ANGPTL5: variants seen among roughly 807,000 people sequenced by gnomAD.
ANGPTL5 encodes angiopoietin-related protein 5.
In ANGPTL5, 34 loss-of-function variants were observed where a neutral mutation model predicts 39.4. The observed-to-expected ratio is 0.86, with a 90% CI of 0.66 to 1.15. The LOEUF (loss-of-function observed/expected upper bound fraction) is 1.15, where lower values mean the gene tolerates loss of function less well. Ranked by LOEUF, ANGPTL5 falls within the 50% of genes most tolerant of loss-of-function variation. The pLI is 0.00. For missense variants in ANGPTL5, 467 were observed against 457.5 expected (o/e 1.02, Z -0.19); for synonymous variants, 146 against 152.1 (o/e 0.96, Z 0.29).
chr11:101,899,166 G>T (rs1591253786), intron 7 of ANGPTL5, among the ~76,000 whole-genome samples: 1 of 152,236 alleles, frequency 6.6e-6, no homozygotes, highest in East Asian at 1.9e-4. Context: ...CATAAAAAGA[G>T]TTACGGAGGA....
chr11:101,903,067 G>A (rs896595058), intron 5 of ANGPTL5, among the ~76,000 whole-genome samples: 3 of 152,044 alleles, frequency 2.0e-5, no homozygotes, highest in Non-Finnish European at 2.9e-5. Flanking sequence ...TTATCTTAGA[G>A]AATGTAATGT....
In ANGPTL5 at chr11:101,908,780, C is replaced by CAAAAAAAAAAAA. The variant is rs59041644; in HGVS notation, c.-92-791_-92-780dup. On this transcript the variant is annotated intron_variant, in intron 1 of 8. Transcript: ENST00000334289. ...TGGGCGAAAGAGTGAGACTCCATCT[C>CAAAAAAAAAAAA]AAAAAAAAAAAAAAAAAAAATTGCA... is the stretch of plus-strand genomic sequence containing the variant. 4.6e-5 allele frequency among the ~76,000 whole-genome samples: 3 copies of CAAAAAAAAAAAA among 64,984 alleles called. No homozygotes were observed. In the South Asian group the frequency reaches 1.7e-3, roughly 37 times the overall value. 42.6% of individuals were successfully genotyped at this position (64,984 alleles called of 152,430 possible).
At chr11:101,915,412 T>G (rs1456981604) in intron 1 of ANGPTL5, 3 of 1,610,522 alleles carry the variant, frequency 1.9e-6, no homozygotes, top group Admixed American at 1.7e-5. Context: ...GGCTCTTACC[T>G]GTATCCTTCC....
chr11:101,899,662 A>G (rs916667417), intron 7 of ANGPTL5, among the ~76,000 whole-genome samples: 4 of 152,264 alleles, frequency 2.6e-5, no homozygotes, highest in Non-Finnish European at 4.4e-5. Flanking sequence ...GGTATAAGCC[A>G]AATTGCTTCT....
intron 8 of ANGPTL5, among the ~76,000 whole-genome samples, chr11:101,893,581 C>T (rs915063419): frequency 1.3e-5 from 2 of 152,164 alleles, no homozygotes; most frequent in African/African-American, 4.8e-5. Context: ...AAAACTTTTG[C>T]CATTATCAAT....
chr11:101,915,317 G>C (rs181761204), intron 1 of ANGPTL5: 1 of 1,613,868 alleles, frequency 6.2e-7, no homozygotes, highest in East Asian at 2.2e-5. Flanking sequence ...CCCGGAGCGC[G>C]GTCGGGGAAC....
chr11:101,894,113 C>T (rs1478690179), intron 8 of ANGPTL5, among the ~76,000 whole-genome samples: 1 of 152,222 alleles, frequency 6.6e-6, no homozygotes, highest in African/African-American at 2.4e-5. Context: ...TTCTCACCCT[C>T]TTTCTGACCC....
In ANGPTL5 at chr11:101,912,651, A is replaced by G. The variant is rs770308212; in HGVS notation, c.-93+3368T>C. On this transcript the variant is annotated intron_variant, in intron 1 of 8. Coordinates refer to ENST00000334289, the MANE Select transcript of ANGPTL5 (RefSeq NM_178127.5). ...TCTTCTTGGTTGTTACCGTAAAACA[A>G]TATTTGAATGAAGAATAATTATATA... Among the ~76,000 whole-genome samples, 69 of 152,216 alleles carry G rather than the reference A, an allele frequency of 4.5e-4. 1 individual carries two copies. The highest frequency in any genetic ancestry group is 5.9e-5 in the Non-Finnish European group (4 of 68,044).
chr11:101,912,661 G>A (rs1940109173), intron 1 of ANGPTL5, among the ~76,000 whole-genome samples: 1 of 152,134 alleles, frequency 6.6e-6, no homozygotes, highest in Non-Finnish European at 1.5e-5. Context: ...ATATTTGAAT[G>A]AAGAATAATT....
intron 1 of ANGPTL5, among the ~76,000 whole-genome samples, chr11:101,914,399 C>A (rs562730051): frequency 3.3e-5 from 5 of 152,314 alleles, no homozygotes; most frequent in African/African-American, 1.2e-4. Context: ...TCTCTTTTGG[C>A]ATATCTTCCC....
intron 7 of ANGPTL5, among the ~76,000 whole-genome samples, chr11:101,895,992 T>TA (rs1939784784): frequency 6.6e-6 from 1 of 152,050 alleles, no homozygotes; most frequent in Admixed American, 6.6e-5. Context: ...CACGCTCACT[T>TA]ACAATCGAAA....
At chr11:101,901,497 T>C (rs989594200) in intron 6 of ANGPTL5, among the ~76,000 whole-genome samples, 1 of 152,048 alleles carries the variant, frequency 6.6e-6, no homozygotes, top group Non-Finnish European at 1.5e-5. Flanking sequence ...AGGACCTCTG[T>C]AGGGCACCCA....
Position 101,891,205 on chromosome 11 carries a change from A to T in ANGPTL5, c.*74T>A. ...TTTTGCCTAATATGTTTGAAACACT[A>T]AGTGAAAAGATAAACTTTTAAAAAT... is the stretch of plus-strand genomic sequence containing the variant. On this transcript the variant is annotated 3_prime_UTR_variant, in exon 9 of 9. Transcript: ENST00000334289. 7.3e-7 allele frequency: 1 copy of T among 1,377,254 alleles called. No homozygotes were observed. Among genetic ancestry groups the T allele is most frequent in the South Asian group, 1.4e-5 (1 of 72,846 alleles). The allele number at this position is 1,377,254 out of a possible 1,614,324, so 85.3% of individuals were successfully genotyped here. A position where few individuals can be genotyped will look rare whatever the true frequency, so the allele number is the denominator to read the frequency against.
At chr11:101,907,673 T>G (rs969089090) in intron 2 of ANGPTL5, 141 bp downstream of exon 2, 1 of 637,790 alleles carries the variant, frequency 1.6e-6, no homozygotes, top group Admixed American at 2.9e-5. Context: ...ATTAAAGCAA[T>G]TTTCAACATT....
chr11:101,912,951 G>A (rs946026225), intron 1 of ANGPTL5, among the ~76,000 whole-genome samples: 7 of 152,216 alleles, frequency 4.6e-5, no homozygotes, highest in African/African-American at 1.7e-4. Context: ...CAAGGGTTAA[G>A]TCATGCACTC....
At chr11:101,898,138 G>A (rs780266210) in intron 7 of ANGPTL5, among the ~76,000 whole-genome samples, 23 of 152,028 alleles carry the variant, frequency 1.5e-4, no homozygotes, top group Non-Finnish European at 2.9e-4. Flanking sequence ...CAGGAGAATC[G>A]CTTGAACCCA....
intron 7 of ANGPTL5, among the ~76,000 whole-genome samples, chr11:101,895,324 G>A (rs1314318492): frequency 6.6e-6 from 1 of 151,956 alleles, no homozygotes; most frequent in Non-Finnish European, 1.5e-5. Context: ...TAAAATTTGA[G>A]GAGAGAAGAT....
At chr11:101,915,441 G>T in intron 1 of ANGPTL5, 1 of 1,585,612 alleles carries the variant, frequency 6.3e-7, no homozygotes, top group African/African-American at 1.3e-5. Context: ...GGCTGCCAGG[G>T]TAGCGATGTT....
At chr11:101,891,657 C>G in intron 8 of ANGPTL5, 59 bp from the exon 9 acceptor site, 1 of 1,476,328 alleles carries the variant, frequency 6.8e-7, no homozygotes, top group Non-Finnish European at 9.3e-7. Flanking sequence ...TTTAATTAAT[C>G]ATTACCAGCA....
Sources: gnomAD v4.1 joint callset for allele counts (sites outside exome capture counted in the v4.1 genomes callset) on GRCh38, gnomAD v4.1.1 for gene constraint, MANE v1.5 for transcripts, NCBI Gene and HGNC (gene_info 2026-07-23, HGNC 2026-07-21) for gene names.